ILKAP: variants seen among roughly 807,000 people sequenced by gnomAD.
The protein encoded by ILKAP is integrin-linked kinase-associated serine/threonine phosphatase 2C.
In ILKAP, 11 loss-of-function variants were observed where a neutral mutation model predicts 49.1. The ratio of observed to expected loss-of-function variants is 0.22; its 90% CI spans 0.14 to 0.37. The LOEUF is 0.37. Ranked by LOEUF, ILKAP falls within the 10% of genes least tolerant of loss-of-function variation. ILKAP has a pLI of 1.00. For missense variants in ILKAP, 363 were observed against 510.8 expected (o/e 0.71, Z 2.79); for synonymous variants, 186 against 192.8 (o/e 0.96, Z 0.29).
chr2:238,188,114 TACC>T lies in ILKAP; in HGVS notation c.425+14_425+16del. On this transcript the variant is annotated intron_variant, in intron 5 of 11. Coordinates refer to ENST00000254654, the MANE Select transcript of ILKAP (RefSeq NM_030768.3). ...AGATGTTAATGCCAGCCGGGCTTCC[TACC>T]ACATGAGACTCACATGAGGGACGAT... The T allele has an allele frequency of 6.2e-7, 1 of 1,613,116 alleles. No homozygotes were observed. The highest frequency in any genetic ancestry group is 8.5e-7 in the Non-Finnish European group (1 of 1,179,260).
At chr2:238,185,478 T>C (rs1693864676) in intron 5 of ILKAP, 191 bp from the exon 6 acceptor site, 6 of 515,936 alleles carry the variant, frequency 1.2e-5, no homozygotes, top group Non-Finnish European at 2.1e-5. Flanking sequence ...TAAGTAACTT[T>C]CACAGCATTT....
intron 1 of ILKAP, among the ~76,000 whole-genome samples, chr2:238,199,670 T>C (rs777949872): frequency 3.3e-5 from 5 of 152,244 alleles, no homozygotes; most frequent in Non-Finnish European, 5.9e-5. Flanking sequence ...AAATTTTAAA[T>C]TTTTACATAG....
intron 9 of ILKAP, among the ~76,000 whole-genome samples, chr2:238,179,036 C>G (rs763850178): frequency 2.0e-5 from 3 of 152,174 alleles, no homozygotes; most frequent in Non-Finnish European, 4.4e-5. Flanking sequence ...CTCCTAGGCT[C>G]AAGAGATTCA....
At chr2:238,183,339 A>G (rs1693773192) in intron 8 of ILKAP, among the ~76,000 whole-genome samples, 1 of 152,218 alleles carries the variant, frequency 6.6e-6, no homozygotes, top group African/African-American at 2.4e-5. Flanking sequence ...GGCTACTTGC[A>G]TACTGATTAC....
In ILKAP at chr2:238,194,833, G is replaced by T. The variant is rs773633078; in HGVS notation, c.93C>A (p.Asp31Glu). 3.7e-6 allele frequency: 6 copies of T among 1,614,024 alleles called. No individual in the cohort carries two copies. In the East Asian group the frequency reaches 8.9e-5, roughly 24 times the overall value. Residue 31 changes from aspartate to glutamate, a missense_variant, in exon 2 of 12, where the codon GAC (aspartate) becomes GAA (glutamate). Transcript: ENST00000254654. ...AGTCAGTACTGCTGGCCGGAGGGAG[G>T]TCATCAAAGAGCAGGGGTCCTTTCT... ...EAQKGPLLFDDLPPASSTDSG... is the reference protein window; with the variant it reads ...EAQKGPLLFDELPPASSTDSG...
rs1267189734 is a variant in ILKAP at position 238,182,069 on chromosome 2, C to T, written c.832G>A (p.Val278Ile). The T allele has an allele frequency of 1.2e-6, 2 of 1,613,244 alleles. No individual in the cohort carries two copies. The highest frequency in any genetic ancestry group is 8.5e-7 in the Non-Finnish European group (1 of 1,179,372). ...TCCTCTCAGTCCCTTGGTTACCTGA[C>T]GTTTCCTCCAGCCTTCTGTATCCTC... ...RMRIQKAGGN[V>I]RDGRVLGVLE... Residue 278 changes from valine to isoleucine, a missense_variant, in exon 9 of 12, where the codon GTC becomes ATC. Physicochemically the swap from Val to Ile is conservative, Grantham distance 29 (BLOSUM62 3). Around this residue, in one of 3 missense-constraint regions of ILKAP, gnomAD observed 166 missense variants for 307.3 expected, o/e 0.54. Coordinates refer to ENST00000254654, the MANE Select transcript of ILKAP (RefSeq NM_030768.3).
At chr2:238,188,522 G>A in intron 4 of ILKAP, 2 of 328,344 alleles carry the variant, frequency 6.1e-6, no homozygotes, top group East Asian at 5.6e-5. Flanking sequence ...CTCTGTCTAG[G>A]GTGTAAGTCA....
intron 10 of ILKAP, 107 bp from the exon 11 acceptor site, chr2:238,171,131 C>T: frequency 1.4e-6 from 1 of 692,448 alleles, no homozygotes; most frequent in South Asian, 1.8e-5. Flanking sequence ...TCCAACTATT[C>T]AAAGGCTAAG....
chr2:238,199,120 C>T (rs1192700740), intron 1 of ILKAP, among the ~76,000 whole-genome samples: 3 of 152,140 alleles, frequency 2.0e-5, no homozygotes, highest in African/African-American at 4.8e-5. Context: ...CCCATCAAGG[C>T]ATGCTCCAGG....
At chr2:238,171,115 T>A in intron 10 of ILKAP, 91 bp from the exon 11 acceptor site, 7 of 822,756 alleles carry the variant, frequency 8.5e-6, no homozygotes, top group Non-Finnish European at 1.2e-5. Flanking sequence ...ATAAAATAAA[T>A]ATTTGTCCAA....
chr2:238,195,505 T>C (rs759995528), intron 1 of ILKAP, among the ~76,000 whole-genome samples: 21 of 152,262 alleles, frequency 1.4e-4, no homozygotes, highest in Non-Finnish European at 2.9e-4. Context: ...AATGTGAAGA[T>C]TTACACTCCA....
intron 1 of ILKAP, among the ~76,000 whole-genome samples, chr2:238,198,067 T>C (rs1294190577): frequency 6.6e-6 from 1 of 152,120 alleles, no homozygotes; most frequent in Admixed American, 6.6e-5. Flanking sequence ...TCAACTCATT[T>C]TACCCTTACA....
intron 9 of ILKAP, among the ~76,000 whole-genome samples, chr2:238,174,917 C>T (rs1425337464): frequency 6.6e-6 from 1 of 152,142 alleles, no homozygotes; most frequent in Non-Finnish European, 1.5e-5. Context: ...TCTGGTGTGG[C>T]TTCCGGCCAT....
In ILKAP at chr2:238,170,509, T is replaced by C. The variant is rs778275957; in HGVS notation, c.*27A>G. 7.6e-6 allele frequency: 12 copies of C among 1,574,436 alleles called. No homozygotes were observed. In the African/African-American group the frequency reaches 8.1e-5, roughly 11 times the overall value. ...AAATGAACCTTTTAAGTCAATACCATGCGTGCTCCTGGCCGCGCGCCACCC... is the reference window on the plus strand; with the variant it reads ...AAATGAACCTTTTAAGTCAATACCACGCGTGCTCCTGGCCGCGCGCCACCC... On this transcript the variant is annotated 3_prime_UTR_variant, in exon 12 of 12. Coordinates refer to ENST00000254654, the MANE Select transcript of ILKAP (RefSeq NM_030768.3).
chr2:238,191,650 G>A (rs561792510), intron 3 of ILKAP, among the ~76,000 whole-genome samples: 82 of 152,282 alleles, frequency 5.4e-4, no homozygotes, highest in Non-Finnish European at 7.1e-4. Context: ...GTTCACACCT[G>A]TCATCCCAGC....
chr2:238,187,954 A>G (rs1264354010), intron 5 of ILKAP, among the ~76,000 whole-genome samples, 177 bp downstream of exon 5: 1 of 152,210 alleles, frequency 6.6e-6, no homozygotes. Context: ...AAATGTACCC[A>G]AACACTGACA....
chr2:238,180,108 C>T (rs997136107), intron 9 of ILKAP, among the ~76,000 whole-genome samples: 2 of 151,674 alleles, frequency 1.3e-5, no homozygotes, highest in African/African-American at 4.8e-5. Flanking sequence ...GAGGTCAAGG[C>T]TGCGGTGAGC....
At chr2:238,189,507 A>G (rs1408843709) in intron 4 of ILKAP, among the ~76,000 whole-genome samples, 2 of 152,202 alleles carry the variant, frequency 1.3e-5, no homozygotes, top group Non-Finnish European at 2.9e-5. Flanking sequence ...TCAAAGCACT[A>G]ATTGACAAAC....
At chr2:238,180,190 A>AAAAG (rs1553588217) in intron 9 of ILKAP, among the ~76,000 whole-genome samples, 3 of 151,896 alleles carry the variant, frequency 2.0e-5, no homozygotes, top group Non-Finnish European at 4.4e-5. Flanking sequence ...GAAAGAAAGA[A>AAAAG]AAAGAAAAAG....
Sources: allele counts gnomAD v4.1 joint callset (sites outside exome capture counted in the v4.1 genomes callset), GRCh38; gene constraint gnomAD v4.1.1; regional missense constraint gnomAD v4.1.1; transcripts MANE v1.5; gene names NCBI Gene and HGNC (gene_info 2026-07-23, HGNC 2026-07-21).